Variants in TTI1 observed in about 807,000 individuals in gnomAD.
The protein encoded by TTI1 is TELO2-interacting protein 1 homolog.
TTI1 carries 52 observed loss-of-function variants against 85.4 expected under a neutral mutation model. The observed-to-expected ratio is 0.61, with a 90% CI of 0.49 to 0.77. The LOEUF is 0.77. TTI1 is among the 30% of genes least tolerant of loss of function. The pLI is 0.00. For missense variants in TTI1, 1,173 were observed against 1,296.0 expected, an observed-to-expected ratio of 0.91 and a Z score of 1.46; for synonymous variants, 512 against 503.9, an observed-to-expected ratio of 1.02 and a Z score of -0.22.
At chr20:38,015,149 C>T (rs1485878257) in intron 1 of TTI1, among the ~76,000 whole-genome samples, 1 of 152,154 alleles carries the variant, frequency 6.6e-6, no homozygotes, top group Non-Finnish European at 1.5e-5. Context: ...GCAGGCAAGT[C>T]GTGCCAGCGG....
Position 38,002,679 on chromosome 20 carries a change from C to T in TTI1, c.2601G>A (p.Met867Ile). The T allele has an allele frequency of 6.2e-7, 1 of 1,614,218 alleles. No homozygotes were observed. The highest frequency in any genetic ancestry group is 8.5e-7 in the Non-Finnish European group (1 of 1,180,040). ...PLQIQIAMDV[M>I]ERCIHLLSDK... ...CTGACAACAAGTGGATGCAGCGTTC[C>T]ATCACGTCCATGGCTATTTGGATCT... is the stretch of plus-strand genomic sequence containing the variant. Residue 867 changes from methionine (M) to isoleucine (I), a missense_variant, in exon 4 of 8, where the codon ATG becomes ATA. Transcript: ENST00000373447.
chr20:37,999,563 C>T (rs999825872), intron 4 of TTI1, among the ~76,000 whole-genome samples: 3 of 151,956 alleles, frequency 2.0e-5, no homozygotes, highest in Non-Finnish European at 2.9e-5. Flanking sequence ...AATTAGATAA[C>T]GCCTAAATGA....
chr20:38,028,761 TGCAGTG>T (rs1253277373), intron 1 of TTI1, among the ~76,000 whole-genome samples: 1 of 152,220 alleles, frequency 6.6e-6, no homozygotes, highest in African/African-American at 2.4e-5. Context: ...CAGGCTGCAG[TGCAGTG>T]GCTCGATGAT....
Position 38,020,323 on chromosome 20 carries a change from A to AAAAAAT in TTI1, c.-41-6467_-41-6466insATTTTT. 5.8e-3 allele frequency among the ~76,000 whole-genome samples: 292 copies of AAAAAAT among 50,360 alleles called. 4 individuals are homozygous for AAAAAAT. The highest frequency in any genetic ancestry group is 7.5e-3 in the Non-Finnish European group (209 of 27,758). 33.0% of individuals were successfully genotyped at this position (50,360 alleles called of 152,430 possible). A position where few individuals can be genotyped will look rare whatever the true frequency, so the allele number is the denominator to read the frequency against. The stretch of plus-strand genomic sequence containing the variant: ...GGCTACTCATATGAAAAAAAAAAAA[A>AAAAAAT]ATATATATATATATATATATATATA... On this transcript the variant is annotated intron_variant, in intron 1 of 7. Transcript: ENST00000373447.
chr20:38,017,116 G>A (rs1040031060), intron 1 of TTI1, among the ~76,000 whole-genome samples: 22 of 152,152 alleles, frequency 1.4e-4, no homozygotes, highest in Admixed American at 1.0e-3. Context: ...TTGTGTATAT[G>A]TCTGTTTTAC....
At chr20:38,010,477 T>C (rs2073567647) in intron 2 of TTI1, among the ~76,000 whole-genome samples, 1 of 145,328 alleles carries the variant, frequency 6.9e-6, no homozygotes, top group Admixed American at 6.8e-5. Flanking sequence ...CTTTTTTTTT[T>C]TTTTTTTTTT....
In TTI1 at chr20:38,017,980, C is replaced by T. The variant is rs574985156; in HGVS notation, c.-41-4123G>A. On this transcript the variant is annotated intron_variant, in intron 1 of 7. Coordinates refer to ENST00000373447, the MANE Select transcript of TTI1 (RefSeq NM_001303457.2). ...AATCCCTGAAATACGTCAGACTAGA[C>T]TGAAGTATTTAATTAACAGAAGAAA... Among the ~76,000 whole-genome samples the T allele has an allele frequency of 2.6e-5, 4 of 152,300 alleles. No individual in the cohort carries two copies. The East Asian group carries it at 7.7e-4, about 29-fold the overall frequency.
rs193051680 is a variant in TTI1 at position 38,032,302 on chromosome 20, T to A, written c.-42+1102A>T. 3.6e-3 allele frequency among the ~76,000 whole-genome samples: 554 copies of A among 152,334 alleles called. 3 individuals are homozygous for A. Among genetic ancestry groups the A allele is most frequent in the Middle Eastern group, 6.8e-3 (2 of 294 alleles). ...CTCACTGCGTTAGCTATGATTATGA[T>A]TCCAGTCTGGAGGAAGGGTAAAAGC... On this transcript the variant is annotated intron_variant, in intron 1 of 7. Coordinates refer to ENST00000373447, the MANE Select transcript of TTI1 (RefSeq NM_001303457.2).
chr20:38,007,678 C>G (rs2073521637), intron 2 of TTI1, among the ~76,000 whole-genome samples: 1 of 152,244 alleles, frequency 6.6e-6, no homozygotes, highest in Non-Finnish European at 1.5e-5. Context: ...GAAAAAAACT[C>G]TGATAACCTT....
chr20:38,008,047 A>G (rs757396439), intron 2 of TTI1, among the ~76,000 whole-genome samples: 14 of 152,250 alleles, frequency 9.2e-5, no homozygotes, highest in Non-Finnish European at 1.9e-4. Context: ...AAGAAGCTCA[A>G]TCTCACGTTT....
chr20:37,993,809 C>T (rs983900210), intron 7 of TTI1, among the ~76,000 whole-genome samples: 6 of 152,222 alleles, frequency 3.9e-5, no homozygotes, highest in Non-Finnish European at 5.9e-5. Context: ...GCCCTTGCAA[C>T]GAACACAGCT....
In TTI1 at chr20:38,004,133, A is replaced by C. The variant is rs61368058; in HGVS notation, c.2504-1357T>G. On this transcript the variant is annotated intron_variant, in intron 3 of 7. Coordinates refer to ENST00000373447, the MANE Select transcript of TTI1 (RefSeq NM_001303457.2). ...ACCTCACATGCTACTGAGAGCATTA[A>C]ATGAGATATTACCAGTCATTATCAT... Among the ~76,000 whole-genome samples the C allele has an allele frequency of 2.8e-3, 429 of 152,330 alleles. 3 individuals carry two copies. The highest frequency in any genetic ancestry group is 9.8e-3 in the African/African-American group (406 of 41,562).
chr20:38,013,549 G>C lies in TTI1; in HGVS notation c.268C>G (p.Gln90Glu). The C allele has an allele frequency of 6.2e-7, 1 of 1,614,186 alleles. No individual in the cohort carries two copies. The highest frequency in any genetic ancestry group is 8.5e-7 in the Non-Finnish European group (1 of 1,180,034). The change falls in exon 2 of 8, where the codon CAG (glutamine) becomes GAG (glutamate). Residue 90 changes from glutamine to glutamate, a missense_variant. Physicochemically the swap from Gln to Glu is conservative, Grantham distance 29. Transcript: ENST00000373447. ...FVLSSTCVKE[Q>E]ELLQELFSEL... ...GAAAAGAGTTCCTGGAGAAGCTCCT[G>C]TTCTTTCACACATGTTGAAGAAAGG... is the stretch of plus-strand genomic sequence containing the variant.
rs552502737 is a variant in TTI1 at position 37,984,457 on chromosome 20, G to A, written c.3087-818C>T. On this transcript the variant is annotated intron_variant, in intron 7 of 7. Coordinates refer to ENST00000373447, the MANE Select transcript of TTI1 (RefSeq NM_001303457.2). ...GGGTCACAACTCTTGCCTCTTAGCT[G>A]CTCAAATACTATTTCTGAAAGATCA... is the stretch of plus-strand genomic sequence containing the variant. Among the ~76,000 whole-genome samples the A allele has an allele frequency of 2.6e-5, 4 of 152,322 alleles. No individual in the cohort carries two copies. The East Asian group carries it at 7.7e-4, about 29-fold the overall frequency.
chr20:37,999,385 C>G, intron 4 of TTI1, 57 bp from the exon 5 acceptor site: 1 of 1,336,066 alleles, frequency 7.5e-7, no homozygotes, highest in Non-Finnish European at 9.7e-7. Flanking sequence ...TACCTGGGAT[C>G]AAGTCACCAT....
chr20:38,018,224 CAG>C (rs2073711984), intron 1 of TTI1, among the ~76,000 whole-genome samples: 1 of 151,912 alleles, frequency 6.6e-6, no homozygotes, highest in Non-Finnish European at 1.5e-5. Context: ...AGTCAAGAAA[CAG>C]AGGAAAAGAC....
chr20:38,032,413 A>G (rs1365954145), intron 1 of TTI1, among the ~76,000 whole-genome samples: 1 of 152,270 alleles, frequency 6.6e-6, no homozygotes, highest in African/African-American at 2.4e-5. Context: ...GAGTCTGCCC[A>G]CAACTAGGAA....
chr20:38,015,674 T>C (rs901241068), intron 1 of TTI1, among the ~76,000 whole-genome samples: 1 of 152,162 alleles, frequency 6.6e-6, no homozygotes. Context: ...CAAGTTCAAT[T>C]ATGACACCAA....
intron 7 of TTI1, 145 bp from the exon 8 acceptor site, chr20:37,983,784 C>T (rs1874487927): frequency 3.7e-6 from 3 of 800,736 alleles, no homozygotes; most frequent in African/African-American, 3.6e-5. Context: ...AGAAAAAACC[C>T]ACTTGAGTTC....
Sources: allele counts gnomAD v4.1 joint callset (sites outside exome capture counted in the v4.1 genomes callset), GRCh38; gene constraint gnomAD v4.1.1; transcripts MANE v1.5; gene names NCBI Gene and HGNC (gene_info 2026-07-23, HGNC 2026-07-21).